Variants in MAST2 observed in about 807,000 individuals in gnomAD.
MAST2 encodes the protein microtubule-associated serine/threonine-protein kinase 2.
A neutral mutation model predicts 147.4 loss-of-function variants in MAST2; 70 were observed. The observed-to-expected ratio is 0.47, with a 90% CI of 0.39 to 0.58. The LOEUF (loss-of-function observed/expected upper bound fraction) is 0.58, where lower values mean the gene tolerates loss of function less well. MAST2 is among the 20% of genes least tolerant of loss of function. The pLI, the probability that MAST2 is intolerant of heterozygous loss-of-function variation, is 0.00. For missense variants in MAST2, 2,080 were observed against 2,302.3 expected (o/e 0.90, Z 1.98); for synonymous variants, 869 against 896.8 (o/e 0.97, Z 0.55).
chr1:45,855,697 C>T (rs1645766188), intron 3 of MAST2, among the ~76,000 whole-genome samples: 1 of 151,786 alleles, frequency 6.6e-6, no homozygotes, highest in South Asian at 2.1e-4. Context: ...TTTTCGTGTG[C>T]CGATCTTGTA....
intron 4 of MAST2, among the ~76,000 whole-genome samples, chr1:45,934,240 G>C (rs1221667887): frequency 1.3e-5 from 2 of 152,258 alleles, no homozygotes; most frequent in Middle Eastern, 3.4e-3. Flanking sequence ...TTGCTGTAAA[G>C]AACATAATTT....
chr1:46,032,046 C>T, intron 24 of MAST2, 132 bp from the exon 25 acceptor site: 1 of 709,226 alleles, frequency 1.4e-6, no homozygotes. Context: ...CTTCACAGGT[C>T]AGGGGCTGTG....
intron 8 of MAST2, among the ~76,000 whole-genome samples, chr1:46,007,027 C>T (rs533752523): frequency 6.6e-6 from 1 of 152,294 alleles, no homozygotes; most frequent in African/African-American, 2.4e-5. Flanking sequence ...ATCACCTGGG[C>T]ACATCTTCAT....
chr1:46,034,736 C>G lies in MAST2; in HGVS notation c.4067C>G (p.Thr1356Arg). 3.1e-6 allele frequency: 5 copies of G among 1,614,116 alleles called. No homozygotes were observed. The highest frequency in any genetic ancestry group is 1.1e-5 in the South Asian group (1 of 91,074). ...LAHTPSPPPPTASPQRSPSPL... is the reference protein window; with the variant it reads ...LAHTPSPPPPRASPQRSPSPL... ...CACACCCCTTCTCCCCCACCCCCAACAGCTTCACCTCAGCGGTCCCCATCG... is the reference window on the plus strand; with the variant it reads ...CACACCCCTTCTCCCCCACCCCCAAGAGCTTCACCTCAGCGGTCCCCATCG... The change falls in exon 29 of 29, where the codon ACA becomes AGA. Residue 1356 changes from threonine (T) to arginine (R), a missense_variant. Around this residue, in one of 4 missense-constraint regions of MAST2, gnomAD observed 1,278 missense variants for 1,304.2 expected, o/e 0.98. Coordinates refer to ENST00000361297, the MANE Select transcript of MAST2 (RefSeq NM_015112.3).
At chr1:45,982,201 A>C (rs1006964210) in intron 5 of MAST2, among the ~76,000 whole-genome samples, 5 of 152,182 alleles carry the variant, frequency 3.3e-5, no homozygotes, top group African/African-American at 1.2e-4. Flanking sequence ...AGAAAACCCA[A>C]TAAAAGTAGC....
Position 46,023,804 on chromosome 1 carries a change from G to A in MAST2, c.1604G>A (p.Arg535Gln), listed in dbSNP as rs778637041. Residue 535 changes from arginine (R) to glutamine (Q), a missense_variant, in exon 15 of 29, where the codon CGG (arginine) becomes CAG (glutamine). Coordinates refer to ENST00000361297, the MANE Select transcript of MAST2 (RefSeq NM_015112.3). The surrounding 1 kb of genome is among the most constrained non-coding windows in gnomAD (Gnocchi z 4.9). ...AVFLVRHKST[R>Q]QRFAMKKINK... Reference sequence around the variant, plus strand: ...TTTCTGGTGCGGCACAAGTCCACCCGGCAGCGCTTTGCCATGAAGAAGATC... The same window carrying A: ...TTTCTGGTGCGGCACAAGTCCACCCAGCAGCGCTTTGCCATGAAGAAGATC... 4.3e-6 allele frequency: 7 copies of A among 1,614,054 alleles called. No homozygotes were observed. The highest frequency in any genetic ancestry group is 2.2e-5 in the East Asian group (1 of 44,872).
At chr1:45,964,331 G>A (rs987490331) in intron 5 of MAST2, among the ~76,000 whole-genome samples, 4 of 152,130 alleles carry the variant, frequency 2.6e-5, no homozygotes, top group African/African-American at 9.7e-5. Context: ...ATTCAGCTGT[G>A]GATCCATCTG....
At chr1:45,948,121 A>G (rs563179876) in intron 4 of MAST2, among the ~76,000 whole-genome samples, 1 of 152,228 alleles carries the variant, frequency 6.6e-6, no homozygotes, top group Non-Finnish European at 1.5e-5. Context: ...GCAGCCAGGG[A>G]GAGAGCCAAA....
chr1:45,899,255 CT>C (rs1197824888), intron 4 of MAST2, among the ~76,000 whole-genome samples: 1 of 147,428 alleles, frequency 6.8e-6, no homozygotes, highest in Non-Finnish European at 1.5e-5. Flanking sequence ...GAGATTTGCT[CT>C]GCTGAAGCAA....
At position 45,824,479 on chromosome 1, in the gene MAST2, A is replaced by C. The variant is rs1373876698; in HGVS notation, c.224A>C (p.Asn75Thr). ...CCCCTGCTCTTCAGGAAACTCAGTA[A>C]TCCTGACATATTTTCATCCACTGGA... ...VSPLLFRKLS[N>T]PDIFSSTGKV... Residue 75 changes from asparagine (N) to threonine (T), a missense_variant, in exon 2 of 29, where the codon AAT becomes ACT. Physicochemically the swap from Asn to Thr is moderately conservative, Grantham distance 65 (BLOSUM62 0). This residue lies in a region of MAST2 where 569 missense variants were observed against 642.5 expected (regional missense o/e 0.89). Transcript: ENST00000361297. 4 of 1,612,308 alleles carry C rather than the reference A, an allele frequency of 2.5e-6. No homozygotes were observed. In the East Asian group the frequency reaches 8.9e-5, roughly 36 times the overall value.
rs1178392641 is a variant in MAST2, at chr1:45,868,213, A to G, written c.469-14151A>G. 2.6e-5 allele frequency among the ~76,000 whole-genome samples: 4 copies of G among 152,322 alleles called. No homozygotes were observed. The South Asian group carries it at 6.2e-4, about 24-fold the overall frequency. ...ACATCTACTTTTGAAGCATCTACAC[A>G]TGGAGAGACATTTGAGATTGAAGTT... On this transcript the variant is annotated intron_variant, in intron 3 of 28. Transcript: ENST00000361297.
chr1:45,886,232 ATATT>A (rs1015621488), intron 4 of MAST2, among the ~76,000 whole-genome samples: 7 of 148,126 alleles, frequency 4.7e-5, no homozygotes, highest in African/African-American at 1.7e-4. Flanking sequence ...ATATATGTAT[ATATT>A]ATATATATTT....
chr1:45,836,396 A>C (rs1182964524), intron 3 of MAST2, among the ~76,000 whole-genome samples: 2 of 152,176 alleles, frequency 1.3e-5, no homozygotes, highest in African/African-American at 4.8e-5. Flanking sequence ...GGAAATAACA[A>C]AACTCCAAGA....
At chr1:46,029,322 G>C in intron 18 of MAST2, 144 bp from the exon 19 acceptor site, 1 of 622,054 alleles carries the variant, frequency 1.6e-6, no homozygotes, top group Non-Finnish European at 2.8e-6. Context: ...TAGAATTTAA[G>C]GACTGGGGTC....
At chr1:45,939,557 G>A (rs1192498629) in intron 4 of MAST2, among the ~76,000 whole-genome samples, 2 of 151,008 alleles carry the variant, frequency 1.3e-5, no homozygotes, top group East Asian at 3.9e-4. Flanking sequence ...GGGTGGGGTC[G>A]CAGGGGACAG....
Position 45,967,018 on chromosome 1 carries a change from A to G in MAST2, c.592+7541A>G, listed in dbSNP as rs1661325257. Among the ~76,000 whole-genome samples, 4 of 151,346 alleles carry G rather than the reference A, an allele frequency of 2.6e-5. 1 individual carries two copies. In the South Asian group the frequency reaches 8.3e-4, roughly 31 times the overall value. On this transcript the variant is annotated intron_variant, in intron 5 of 28. Coordinates refer to ENST00000361297, the MANE Select transcript of MAST2 (RefSeq NM_015112.3). ...GTAGTTGTATCTCATTTAATTTTCAATTCCTGGCGGAGCACGATGGCTCAC... is the reference window on the plus strand; with the variant it reads ...GTAGTTGTATCTCATTTAATTTTCAGTTCCTGGCGGAGCACGATGGCTCAC...
intron 6 of MAST2, among the ~76,000 whole-genome samples, chr1:46,001,153 C>T (rs1645259075): frequency 6.6e-6 from 1 of 152,190 alleles, no homozygotes; most frequent in Non-Finnish European, 1.5e-5. Flanking sequence ...TCTCCCTCTA[C>T]CTGCTGGAAC....
At chr1:45,865,267 C>T (rs1303928727) in intron 3 of MAST2, 10 of 332,854 alleles carry the variant, frequency 3.0e-5, no homozygotes, top group African/African-American at 1.9e-4. Flanking sequence ...CAGCTAAGTT[C>T]CTCTTTATTC....
intron 6 of MAST2, among the ~76,000 whole-genome samples, chr1:45,998,079 T>A (rs200029064): frequency 6.6e-6 from 1 of 152,274 alleles, no homozygotes; most frequent in African/African-American, 2.4e-5. Flanking sequence ...CTTTTTTTTT[T>A]AAGTCCCTGA....
Sources: gnomAD v4.1 joint callset for allele counts (sites outside exome capture counted in the v4.1 genomes callset) on GRCh38, gnomAD v4.1.1 for gene constraint, gnomAD v4.1.1 regional missense constraint, Gnocchi (gnomAD v3.1) non-coding constraint, MANE v1.5 for transcripts, NCBI Gene and HGNC (gene_info 2026-07-23, HGNC 2026-07-21) for gene names.